The following MYH9 variants were observed in gnomAD, a reference collection of about 807,000 sequenced individuals.
MYH9 encodes the protein myosin heavy chain 9.
Under a neutral mutation model 241.9 loss-of-function variants are expected in MYH9, and 29 were observed. That is an observed-to-expected ratio of 0.12 (90% confidence interval 0.09 to 0.16). MYH9 has a LOEUF of 0.16. Among genes scored for constraint, MYH9 ranks in the 10% least tolerant of loss-of-function variants. The pLI is 1.00. For missense variants in MYH9, 1,803 were observed against 2,595.5 expected (o/e 0.69, Z 6.63); for synonymous variants, 1,047 against 1,062.6 (o/e 0.99, Z 0.29).
chr22:36,337,155 C>T (rs1162528589), intron 3 of MYH9, among the ~76,000 whole-genome samples: 2 of 152,160 alleles, frequency 1.3e-5, no homozygotes, highest in Non-Finnish European at 2.9e-5. Flanking sequence ...TGGGAATAAT[C>T]TTGCCCCCCA....
At chr22:36,332,254 G>C (rs906603195) in intron 3 of MYH9, among the ~76,000 whole-genome samples, 2 of 152,228 alleles carry the variant, frequency 1.3e-5, no homozygotes, top group Non-Finnish European at 2.9e-5. Context: ...ACAAGCTTGG[G>C]TTACAAGTCT....
intron 3 of MYH9, among the ~76,000 whole-genome samples, chr22:36,340,064 T>C (rs1243812432): frequency 1.3e-5 from 2 of 151,876 alleles, no homozygotes; most frequent in Non-Finnish European, 2.9e-5. Context: ...GAAAGAGCTA[T>C]TAGGGAAATG....
chr22:36,288,478 AACTCAGGAGCCTCAGGCCAGTTCTGC>A lies in MYH9; in HGVS notation c.4771-91_4771-66del. ...ACTGGGAGACCCTGCCCTAGCTCTG[AACTCAGGAGCCTCAGGCCAGTTCTGC>A]AGGATCCATGGGGCCTCGGGAAACC... is the stretch of plus-strand genomic sequence containing the variant. On this transcript the variant is annotated intron_variant, in intron 33 of 40. Transcript: ENST00000216181. This position sits in a 1 kb window ranked among gnomAD's most constrained non-coding sequence, Gnocchi z 4.8. 6.3e-7 allele frequency: 1 copy of A among 1,593,558 alleles called. No individual in the cohort carries two copies. Among genetic ancestry groups the A allele is most frequent in the East Asian group, 2.2e-5 (1 of 44,798 alleles).
intron 1 of MYH9, among the ~76,000 whole-genome samples, chr22:36,356,894 C>T (rs988270080): frequency 1.3e-5 from 2 of 152,236 alleles, no homozygotes; most frequent in African/African-American, 4.8e-5. Context: ...AGTAAGCACC[C>T]GCTAGACAGA....
chr22:36,317,021 C>T (rs182392293), intron 11 of MYH9, among the ~76,000 whole-genome samples: 16 of 141,850 alleles, frequency 1.1e-4, no homozygotes, highest in African/African-American at 3.8e-4. Context: ...AATAAGGCAG[C>T]AGTCTACGGC....
chr22:36,348,103 A>T (rs1030699071), intron 2 of MYH9, among the ~76,000 whole-genome samples: 31 of 147,622 alleles, frequency 2.1e-4, no homozygotes, highest in Non-Finnish European at 3.9e-4. Context: ...GATATTTTTT[A>T]AAATATTTTA....
At position 36,308,777 on chromosome 22, in the gene MYH9, C is replaced by T. The variant is rs992528011; in HGVS notation, c.1843+505G>A. The T allele has an allele frequency of 1.6e-5, 16 of 976,334 alleles. No individual in the cohort carries two copies. In the East Asian group the frequency reaches 1.8e-3, roughly 111 times the overall value. The allele number at this position is 976,334 out of a possible 1,614,324, so 60.5% of individuals were successfully genotyped here. ...TGCACAGCTTTGGACGCACCACACA[C>T]ACAAGAGACACCACTCGGGCGGCCA... On this transcript the variant is annotated intron_variant, in intron 15 of 40. Transcript: ENST00000216181.
At chr22:36,321,038 C>T in intron 7 of MYH9, 142 bp from the exon 8 acceptor site, 1 of 648,368 alleles carries the variant, frequency 1.5e-6, no homozygotes. Flanking sequence ...CTGCAGCCTC[C>T]ACCTCCTGGA....
Position 36,319,985 on chromosome 22 carries a change from C to G in MYH9, c.1012+235G>C, listed in dbSNP as rs2146362927. ...CAAGGGCTGTGCAGTGGACCCGAGT[C>G]CTGGGCAGTTAAGAACATGTCCTTT... is the stretch of plus-strand genomic sequence containing the variant. On this transcript the variant is annotated intron_variant, in intron 9 of 40. Coordinates refer to ENST00000216181, the MANE Select transcript of MYH9 (RefSeq NM_002473.6). 4.7e-6 allele frequency: 3 copies of G among 634,136 alleles called. No individual in the cohort carries two copies. In the South Asian group the frequency reaches 5.7e-5, roughly 12 times the overall value. 39.3% of individuals were successfully genotyped at this position (634,136 alleles called of 1,614,324 possible). A position where few individuals can be genotyped will look rare whatever the true frequency, so the allele number is the denominator to read the frequency against.
chr22:36,311,216 C>T (rs754330516), intron 14 of MYH9, among the ~76,000 whole-genome samples: 1 of 152,208 alleles, frequency 6.6e-6, no homozygotes, highest in Non-Finnish European at 1.5e-5. Flanking sequence ...TAAGCATGCA[C>T]CTCTATGGAC....
At chr22:36,373,978 C>T (rs1022335574) in intron 1 of MYH9, among the ~76,000 whole-genome samples, 1 of 151,868 alleles carries the variant, frequency 6.6e-6, no homozygotes, top group African/African-American at 2.4e-5. Flanking sequence ...AAATGCAAAA[C>T]GGTGGATGAG....
chr22:36,354,414 A>G (rs767677953), intron 1 of MYH9, among the ~76,000 whole-genome samples: 71 of 150,262 alleles, frequency 4.7e-4, no homozygotes, highest in Admixed American at 9.3e-4. Context: ...AGGACCACTT[A>G]TAAGGTTTTT....
Position 36,320,659 on chromosome 22 carries a change from G to A in MYH9, c.868+139C>T, listed in dbSNP as rs1452966548. ...GACCAAGTCCTTAGGATGGCGCAGA[G>A]AACAGGAGTCACTCTCACTTCTCCC... On this transcript the variant is annotated intron_variant, in intron 8 of 40. Coordinates refer to ENST00000216181, the MANE Select transcript of MYH9 (RefSeq NM_002473.6). The surrounding 1 kb of genome is among the most constrained non-coding windows in gnomAD (Gnocchi z 4.8). The A allele has an allele frequency of 2.6e-6, 2 of 777,668 alleles. No homozygotes were observed. The highest frequency in any genetic ancestry group is 3.0e-5 in the South Asian group (2 of 66,984). The allele number at this position is 777,668 out of a possible 1,614,324, so 48.2% of individuals were successfully genotyped here. A position where few individuals can be genotyped will look rare whatever the true frequency, so the allele number is the denominator to read the frequency against.
intron 5 of MYH9, among the ~76,000 whole-genome samples, chr22:36,323,826 G>A (rs908650970): frequency 2.4e-4 from 37 of 152,178 alleles, no homozygotes; most frequent in Non-Finnish European, 4.4e-4. Context: ...TCTAGTGCCC[G>A]CCCCTGAAGG....
chr22:36,363,166 T>C (rs577943476), intron 1 of MYH9, among the ~76,000 whole-genome samples: 1 of 152,314 alleles, frequency 6.6e-6, no homozygotes, highest in South Asian at 2.1e-4. Context: ...ACTCATAGTA[T>C]GAATTACCCT....
At chr22:36,302,039 A>G (rs1488658165) in intron 20 of MYH9, among the ~76,000 whole-genome samples, 1 of 152,224 alleles carries the variant, frequency 6.6e-6, no homozygotes, top group Non-Finnish European at 1.5e-5. Flanking sequence ...GAACGTACGA[A>G]CTACAACTGT....
intron 5 of MYH9, among the ~76,000 whole-genome samples, chr22:36,324,838 G>A (rs535724939): frequency 5.3e-5 from 8 of 152,310 alleles, no homozygotes; most frequent in South Asian, 2.1e-4. Flanking sequence ...TTTTGACAAC[G>A]TGGCTCCCAC....
Position 36,289,088 on chromosome 22 carries a change from C to T in MYH9, c.4554G>A (p.Lys1518=). 2 of 1,614,100 alleles carry T rather than the reference C, an allele frequency of 1.2e-6. No individual in the cohort carries two copies. Among genetic ancestry groups the T allele is most frequent in the Non-Finnish European group, 1.7e-6 (2 of 1,180,028 alleles). The change falls in exon 32 of 41, where the codon AAG becomes AAA. Residue 1518 remains lysine, a synonymous_variant. Transcript: ENST00000216181. ...GGCTGCCAGGCCCAGGACTCACACTCTTGCCCACATCATCCTTGGAGCTCA... is the reference window on the plus strand; with the variant it reads ...GGCTGCCAGGCCCAGGACTCACACTTTTGCCCACATCATCCTTGGAGCTCA... The part of the protein sequence containing the change: ...DLMSSKDDVG[K]SVHELEKSKR...
intron 34 of MYH9, among the ~76,000 whole-genome samples, chr22:36,287,297 A>G (rs1275901112): frequency 6.6e-6 from 1 of 152,192 alleles, no homozygotes; most frequent in Non-Finnish European, 1.5e-5. Context: ...GATAAATCCG[A>G]AATTGAGATT....
Sources: gnomAD v4.1 joint callset for allele counts (sites outside exome capture counted in the v4.1 genomes callset) on GRCh38, gnomAD v4.1.1 for gene constraint, Gnocchi (gnomAD v3.1) non-coding constraint, MANE v1.5 for transcripts, NCBI Gene and HGNC (gene_info 2026-07-23, HGNC 2026-07-21) for gene names.